SVIL: variants seen among roughly 807,000 people sequenced by gnomAD.
SVIL encodes the protein supervillin.
A neutral mutation model predicts 240.4 loss-of-function variants in SVIL; 101 were observed. The observed-to-expected ratio is 0.42, with a 90% CI of 0.36 to 0.50. The LOEUF (loss-of-function observed/expected upper bound fraction) is 0.50, where lower values mean the gene tolerates loss of function less well. SVIL is among the 20% of genes least tolerant of loss of function. The probability of loss-of-function intolerance (pLI) is 0.01; values close to 1 mark genes in which losing one functional copy is unlikely to be tolerated. For missense variants in SVIL, 2,512 were observed against 2,818.7 expected, an observed-to-expected ratio of 0.89 and a Z score of 2.46; for synonymous variants, 999 against 1,100.0, an observed-to-expected ratio of 0.91 and a Z score of 1.82.
intron 27 of SVIL, among the ~76,000 whole-genome samples, chr10:29,482,326 C>G (rs1946976688): frequency 6.6e-6 from 1 of 152,090 alleles, no homozygotes. Context: ...GGGCCACATT[C>G]TAGCAAATTC....
At chr10:29,619,634 G>GCA (rs3030523) in intron 1 of SVIL, among the ~76,000 whole-genome samples, 105,008 of 151,798 alleles carry the variant, frequency 0.69, 36,764 homozygotes, top group Non-Finnish European at 0.75. Context: ...TTAAAGGCCA[G>GCA]CACACACATA....
At chr10:29,635,014 G>A (rs535512785), upstream of SVIL, 5 of 152,112 alleles carry the variant, frequency 3.3e-5, no homozygotes, top group African/African-American at 7.2e-5. Context: ...GCCTGAACTC[G>A]AGAGCCTTGA....
rs149812147 is a variant in SVIL at position 29,523,582 on chromosome 10, A to C, written c.3032T>G (p.Leu1011Arg). Reference sequence around the variant, plus strand: ...GGAAAATTCCTTCGGTTCATCCCCGAGGTGGGTGATGGGAGGGTTCGCCCG... The same window carrying C: ...GGAAAATTCCTTCGGTTCATCCCCGCGGTGGGTGATGGGAGGGTTCGCCCG... Reference protein sequence around the residue: ...LERANPPITHLGDEPKEFSMA... With the variant: ...LERANPPITHRGDEPKEFSMA... The change falls in exon 15 of 38, where the codon CTC (leucine) becomes CGC (arginine). Residue 1011 changes from leucine to arginine, a missense_variant. Leu to Arg is a moderately radical substitution (Grantham distance 102). Transcript: ENST00000355867. The C allele has an allele frequency of 1.4e-4, 226 of 1,614,136 alleles. No homozygotes were observed. The highest frequency in any genetic ancestry group is 7.3e-5 in the Non-Finnish European group (86 of 1,180,006).
At chr10:29,689,268 T>C (rs899150942) in intron 1 of SVIL, among the ~76,000 whole-genome samples, 3 of 152,076 alleles carry the variant, frequency 2.0e-5, no homozygotes, top group African/African-American at 7.2e-5. Flanking sequence ...TCTCCCCGAC[T>C]CATGAGTCTC....
intron 30 of SVIL, among the ~76,000 whole-genome samples, chr10:29,472,282 G>A (rs1945672980): frequency 6.6e-6 from 1 of 152,190 alleles, no homozygotes; most frequent in African/African-American, 2.4e-5. Flanking sequence ...AGTTGAAATG[G>A]CTATTAGGAA....
intron 9 of SVIL, 55 bp from the exon 10 acceptor site, chr10:29,531,343 T>C: frequency 1.3e-6 from 2 of 1,506,232 alleles, no homozygotes; most frequent in Non-Finnish European, 1.8e-6. Flanking sequence ...GAGCAGAAGA[T>C]CGAAATAAAA....
At chr10:29,491,425 C>T (rs555808460) in intron 21 of SVIL, among the ~76,000 whole-genome samples, 8 of 152,268 alleles carry the variant, frequency 5.3e-5, no homozygotes, top group Non-Finnish European at 1.2e-4. Context: ...GCAAGCCCTT[C>T]GGGAATTTGC....
At chr10:29,467,193 T>C (rs6481594) in intron 33 of SVIL, 85,093 of 152,220 alleles carry the variant, frequency 0.56, 25,432 homozygotes, top group African/African-American at 0.77. Flanking sequence ...CTCTGGTGAA[T>C]GGGAGTGCCT....
chr10:29,701,324 C>A (rs1962498328), intron 1 of SVIL, among the ~76,000 whole-genome samples: 1 of 142,576 alleles, frequency 7.0e-6, no homozygotes, highest in South Asian at 2.4e-4. Context: ...CCCCTGTACT[C>A]CAAGAGAGAA....
chr10:29,606,155 C>T (rs967151135), intron 1 of SVIL, among the ~76,000 whole-genome samples: 3 of 152,076 alleles, frequency 2.0e-5, no homozygotes, highest in South Asian at 2.1e-4. Flanking sequence ...AAGTGATCCA[C>T]CTGCCTTGGC....
intron 23 of SVIL, 199 bp from the exon 24 acceptor site, chr10:29,487,498 G>T (rs371223631): frequency 3.3e-6 from 2 of 604,668 alleles, no homozygotes; most frequent in Non-Finnish European, 5.6e-6. Context: ...TTCCTGGTTT[G>T]TGCTTTCCCA....
At chr10:29,623,236 A>G (rs1957732754) in intron 1 of SVIL, among the ~76,000 whole-genome samples, 1 of 152,224 alleles carries the variant, frequency 6.6e-6, no homozygotes, top group African/African-American at 2.4e-5. Flanking sequence ...CAAAGTGCAA[A>G]TCCACTTCCT....
chr10:29,553,974 C>G (rs552042757), intron 5 of SVIL, among the ~76,000 whole-genome samples: 1 of 152,072 alleles, frequency 6.6e-6, no homozygotes, highest in Non-Finnish European at 1.5e-5. Context: ...TGTGCTGGGC[C>G]CTGAGGGTGA....
intron 3 of SVIL, chr10:29,644,052 C>A: frequency 1.9e-6 from 1 of 516,582 alleles, no homozygotes; most frequent in Non-Finnish European, 3.9e-6. Flanking sequence ...TGACATGCTC[C>A]GTTTGGGCCA....
chr10:29,531,314 A>G (rs1227902255), intron 9 of SVIL, 26 bp from the exon 10 acceptor site: 2 of 1,607,494 alleles, frequency 1.2e-6, no homozygotes, highest in Non-Finnish European at 8.5e-7. Flanking sequence ...GCAAATAACA[A>G]TAATACATTA....
At chr10:29,501,452 T>A (rs1589007831) in intron 17 of SVIL, among the ~76,000 whole-genome samples, 1 of 122,576 alleles carries the variant, frequency 8.2e-6, no homozygotes, top group South Asian at 2.8e-4. Context: ...GAAAGTGGGG[T>A]GAGGAGTGGA....
intron 1 of SVIL, among the ~76,000 whole-genome samples, chr10:29,601,795 C>T (rs185157173): frequency 8.4e-4 from 128 of 152,310 alleles, no homozygotes; most frequent in African/African-American, 2.9e-3. Flanking sequence ...TAGTGCACTC[C>T]GCACCATGCA....
intron 1 of SVIL, among the ~76,000 whole-genome samples, chr10:29,633,366 G>C (rs1958183839): frequency 6.6e-6 from 1 of 152,106 alleles, no homozygotes; most frequent in South Asian, 2.1e-4. Context: ...TTACTCAACA[G>C]GGGATACCAC....
At position 29,527,114 on chromosome 10, in the gene SVIL, T is replaced by C; in HGVS notation, c.2247-58A>G. 5 of 1,435,980 alleles carry C rather than the reference T, an allele frequency of 3.5e-6. No homozygotes were observed. The South Asian group carries it at 3.6e-5, about 10-fold the overall frequency. The allele number at this position is 1,435,980 out of a possible 1,614,324, so 89.0% of individuals were successfully genotyped here. ...ATAAGGAGAGAGAAGAAAAGAAGCA[T>C]TAAGGACAGCATAGTTTTAAATTCA... On this transcript the variant is annotated intron_variant, in intron 12 of 37. Coordinates refer to ENST00000355867, the MANE Select transcript of SVIL (RefSeq NM_021738.3).
Sources: allele counts gnomAD v4.1 joint callset (sites outside exome capture counted in the v4.1 genomes callset), GRCh38; gene constraint gnomAD v4.1.1; transcripts MANE v1.5; gene names NCBI Gene and HGNC (gene_info 2026-07-23, HGNC 2026-07-21).